Variants in SLC30A8 observed in about 807,000 individuals in gnomAD.
SLC30A8 encodes proton-coupled zinc antiporter SLC30A8.
Under a neutral mutation model 36.9 loss-of-function variants are expected in SLC30A8, and 27 were observed. The observed-to-expected ratio is 0.73, with a 90% CI of 0.54 to 1.01. The LOEUF is 1.01. SLC30A8 is among the 50% of genes least tolerant of loss of function. The pLI is 0.00. For missense variants in SLC30A8, 439 were observed against 452.0 expected, an observed-to-expected ratio of 0.97 and a Z score of 0.26; for synonymous variants, 164 against 172.4, an observed-to-expected ratio of 0.95 and a Z score of 0.38.
At chr8:116,965,768 A>G in intron 1 of SLC30A8, among the ~76,000 whole-genome samples, 1 of 152,086 alleles carries the variant, frequency 6.6e-6, no homozygotes, top group African/African-American at 2.4e-5. Flanking sequence ...TTCTTTCTTT[A>G]TGTGAACCCT....
chr8:117,105,172 A>C (rs1819930859), intron 2 of SLC30A8, among the ~76,000 whole-genome samples: 1 of 152,092 alleles, frequency 6.6e-6, no homozygotes, highest in Non-Finnish European at 1.5e-5. Context: ...AATGCAGCGC[A>C]GTAGGTCTCA....
At chr8:116,992,372 A>C (rs1815673023) in intron 1 of SLC30A8, among the ~76,000 whole-genome samples, 1 of 152,190 alleles carries the variant, frequency 6.6e-6, no homozygotes, top group South Asian at 2.1e-4. Flanking sequence ...ACAAAGCAAA[A>C]AGCAGCTGTT....
chr8:116,996,682 T>G (rs17744843), intron 1 of SLC30A8, among the ~76,000 whole-genome samples: 2,906 of 152,252 alleles, frequency 0.019, 111 homozygotes, highest in East Asian at 0.17. Flanking sequence ...TTTACCCTTG[T>G]ATAGGCAAAC....
intron 2 of SLC30A8, among the ~76,000 whole-genome samples, chr8:117,125,326 TG>T (rs1366281432): frequency 6.6e-6 from 1 of 152,034 alleles, no homozygotes; most frequent in African/African-American, 2.4e-5. Flanking sequence ...CCATTTTACA[TG>T]AGCCCAGATT....
intron 1 of SLC30A8, among the ~76,000 whole-genome samples, chr8:116,992,978 A>G (rs985967322): frequency 6.6e-6 from 1 of 151,920 alleles, no homozygotes; most frequent in Non-Finnish European, 1.5e-5. Flanking sequence ...TAAAGAAGAT[A>G]TAGAGATTAA....
At chr8:117,010,758 C>T (rs1233861429) in intron 1 of SLC30A8, among the ~76,000 whole-genome samples, 1 of 152,174 alleles carries the variant, frequency 6.6e-6, no homozygotes, top group Non-Finnish European at 1.5e-5. Flanking sequence ...CCCCGGGAAG[C>T]TTCCAATCAT....
chr8:116,987,032 T>C (rs147385412), intron 1 of SLC30A8, among the ~76,000 whole-genome samples: 35 of 152,210 alleles, frequency 2.3e-4, no homozygotes, highest in Middle Eastern at 3.4e-3. Context: ...AAAGACACAA[T>C]ATGATAGCGC....
chr8:117,106,493 G>A (rs1820001071), intron 2 of SLC30A8, among the ~76,000 whole-genome samples: 1 of 152,188 alleles, frequency 6.6e-6, no homozygotes, highest in Admixed American at 6.5e-5. Context: ...TTCAGAGATT[G>A]TTAGAGTAAG....
chr8:117,123,834 G>A (rs1269199764), intron 2 of SLC30A8, among the ~76,000 whole-genome samples: 1 of 151,890 alleles, frequency 6.6e-6, no homozygotes, highest in Non-Finnish European at 1.5e-5. Context: ...ATTTATAAAT[G>A]GCTGAAAGGA....
chr8:117,102,362 A>G (rs1041895790), intron 2 of SLC30A8, among the ~76,000 whole-genome samples: 3 of 152,206 alleles, frequency 2.0e-5, no homozygotes, highest in African/African-American at 7.2e-5. Context: ...CCATAAATTT[A>G]TATTACATAA....
At chr8:117,016,406 G>C (rs530115980) in intron 1 of SLC30A8, among the ~76,000 whole-genome samples, 25 of 152,292 alleles carry the variant, frequency 1.6e-4, no homozygotes, top group Middle Eastern at 6.8e-3. Context: ...TGCAGAAAGA[G>C]GAAAATCAAG....
At chr8:116,977,880 T>G (rs1488009414) in intron 1 of SLC30A8, among the ~76,000 whole-genome samples, 1 of 152,192 alleles carries the variant, frequency 6.6e-6, no homozygotes, top group African/African-American at 2.4e-5. Flanking sequence ...TAAGCTCAGC[T>G]TAGTTTTCTC....
chr8:117,074,428 A>G (rs1818428235), intron 2 of SLC30A8, among the ~76,000 whole-genome samples: 1 of 152,184 alleles, frequency 6.6e-6, no homozygotes, highest in Non-Finnish European at 1.5e-5. Flanking sequence ...ATAACTACAT[A>G]TGACTTGCTT....
chr8:117,153,723 G>GGTGGGGGTGT (rs1554591090), intron 3 of SLC30A8, among the ~76,000 whole-genome samples: 6 of 146,910 alleles, frequency 4.1e-5, no homozygotes, highest in African/African-American at 1.5e-4. Context: ...CATGATAAGG[G>GGTGGGGGTGT]GTGTGTGTGT....
chr8:117,157,858 T>G lies in SLC30A8; in HGVS notation c.572+14T>G. ...GGCCAACATTGTGTAAGTCATCCCC[T>G]GGTCCCCACACACTGCTCATGAGGC... On this transcript the variant is annotated intron_variant, in intron 4 of 7. Transcript: ENST00000456015. 6.2e-7 allele frequency: 1 copy of G among 1,613,594 alleles called. No individual in the cohort carries two copies. The highest frequency in any genetic ancestry group is 1.7e-5 in the Admixed American group (1 of 60,014).
intron 2 of SLC30A8, among the ~76,000 whole-genome samples, chr8:117,127,097 C>T (rs1200422137): frequency 5.9e-5 from 9 of 151,812 alleles, no homozygotes; most frequent in South Asian, 2.1e-4. Context: ...GCCACTGGAC[C>T]TGTCCTTGGG....
intron 2 of SLC30A8, among the ~76,000 whole-genome samples, chr8:117,079,842 G>C (rs111804892): frequency 6.6e-6 from 1 of 152,150 alleles, no homozygotes; most frequent in African/African-American, 2.4e-5. Context: ...TGAATTCCCC[G>C]TTGTTAAACT....
chr8:116,977,946 A>G (rs1312932749), intron 1 of SLC30A8, among the ~76,000 whole-genome samples: 7 of 152,022 alleles, frequency 4.6e-5, no homozygotes, highest in Admixed American at 3.9e-4. Flanking sequence ...GTTTCCCATG[A>G]ACGTTCCTTT....
chr8:117,051,401 C>T (rs1459609193), intron 2 of SLC30A8, among the ~76,000 whole-genome samples: 2 of 152,130 alleles, frequency 1.3e-5, no homozygotes, highest in Non-Finnish European at 2.9e-5. Context: ...GTGTTGGAGG[C>T]GGGGCCTCAT....
Sources: gnomAD v4.1 joint callset for allele counts (sites outside exome capture counted in the v4.1 genomes callset) on GRCh38, gnomAD v4.1.1 for gene constraint, MANE v1.5 for transcripts, NCBI Gene and HGNC (gene_info 2026-07-23, HGNC 2026-07-21) for gene names.